The following FADS2 variants were observed in gnomAD, a reference collection of about 807,000 sequenced individuals.
FADS2 encodes the protein fatty acid desaturase 2.
Under a neutral mutation model 61.2 loss-of-function variants are expected in FADS2, and 18 were observed. The ratio of observed to expected loss-of-function variants is 0.29; its 90% CI spans 0.20 to 0.44. The LOEUF is 0.44. FADS2 is among the 20% of genes least tolerant of loss of function. FADS2 has a pLI of 1.00. For synonymous variants in FADS2, 203 were observed against 223.9 expected, an observed-to-expected ratio of 0.91 and a Z score of 0.83; for missense variants, 322 against 572.7, an observed-to-expected ratio of 0.56 and a Z score of 4.47.
intron 1 of FADS2, among the ~76,000 whole-genome samples, chr11:61,819,543 A>G (rs1399030857): frequency 6.6e-6 from 1 of 152,206 alleles, no homozygotes; most frequent in Non-Finnish European, 1.5e-5. Context: ...AAGATTCTAT[A>G]TCCACACACA....
intron 5 of FADS2, 35 bp from the exon 6 acceptor site, chr11:61,856,975 GC>G (rs776294452): frequency 1.8e-5 from 28 of 1,576,434 alleles, no homozygotes; most frequent in Non-Finnish European, 2.4e-5. Flanking sequence ...GGGAGCTGAG[GC>G]TACTGGGTGC....
At chr11:61,825,937 TGGGGTCA>T (rs1037854282), upstream of FADS2, 55 of 626,382 alleles carry the variant, frequency 8.8e-5, no homozygotes, top group African/African-American at 8.9e-4. Context: ...GTGTCCAGTG[TGGGGTCA>T]GCCCCCTAAA....
At chr11:61,839,670 A>T (rs1352870649) in intron 2 of FADS2, among the ~76,000 whole-genome samples, 1 of 152,220 alleles carries the variant, frequency 6.6e-6, no homozygotes, top group African/African-American at 2.4e-5. Context: ...GGCATCAAAT[A>T]AGCACATTTA....
intron 10 of FADS2, among the ~76,000 whole-genome samples, chr11:61,864,830 C>T (rs556482487): frequency 7.5e-4 from 114 of 152,352 alleles, no homozygotes; most frequent in African/African-American, 2.7e-3. Flanking sequence ...GCCACCGTGC[C>T]TCACCTCACT....
chr11:61,830,119 G>A (rs190329636), intron 1 of FADS2, among the ~76,000 whole-genome samples: 1 of 152,338 alleles, frequency 6.6e-6, no homozygotes, highest in Admixed American at 6.5e-5. Context: ...CAGTGAGGAG[G>A]TTGGGTTAAT....
At chr11:61,836,591 ACTC>A (rs1191642275) in intron 1 of FADS2, among the ~76,000 whole-genome samples, 1 of 148,016 alleles carries the variant, frequency 6.8e-6, no homozygotes, top group Non-Finnish European at 1.5e-5. Flanking sequence ...CTGGTCTTGA[ACTC>A]CTGGCCTCAA....
intron 4 of FADS2, among the ~76,000 whole-genome samples, chr11:61,844,238 T>C (rs117983270): frequency 0.024 from 3,685 of 152,342 alleles, 67 homozygotes; most frequent in Non-Finnish European, 0.038. Context: ...ATTATACTTT[T>C]GCTTCAGTTG....
intron 4 of FADS2, among the ~76,000 whole-genome samples, chr11:61,845,985 G>A (rs999060124): frequency 6.6e-5 from 10 of 152,046 alleles, no homozygotes; most frequent in African/African-American, 9.7e-5. Flanking sequence ...CAAACATCAC[G>A]CTTACTTGTT....
chr11:61,818,968 T>G (rs997857640), intron 1 of FADS2, among the ~76,000 whole-genome samples: 1 of 152,070 alleles, frequency 6.6e-6, no homozygotes. Flanking sequence ...CCTCCCAGGT[T>G]CATGGCATTC....
chr11:61,831,885 C>A (rs2067133029), intron 1 of FADS2, among the ~76,000 whole-genome samples: 1 of 152,194 alleles, frequency 6.6e-6, no homozygotes, highest in African/African-American at 2.4e-5. Flanking sequence ...GCAAAAGGAA[C>A]CCTCACCCGC....
At chr11:61,839,472 A>G (rs1478202049) in intron 2 of FADS2, among the ~76,000 whole-genome samples, 3 of 151,828 alleles carry the variant, frequency 2.0e-5, no homozygotes, top group Non-Finnish European at 2.9e-5. Context: ...ACAGGTGCCC[A>G]TCATCATGCC....
chr11:61,856,685 C>T, intron 5 of FADS2: 1 of 331,408 alleles, frequency 3.0e-6, no homozygotes, highest in Non-Finnish European at 5.5e-6. Flanking sequence ...GTTCTGATCC[C>T]AGTCAGGGCC....
Position 61,863,084 on chromosome 11 carries a change from C to T in FADS2, c.980+15C>T. The T allele has an allele frequency of 6.2e-7, 1 of 1,605,770 alleles. No homozygotes were observed. Among genetic ancestry groups the T allele is most frequent in the Non-Finnish European group, 8.5e-7 (1 of 1,172,424 alleles). On this transcript the variant is annotated intron_variant, in intron 8 of 11. Transcript: ENST00000278840. The stretch of plus-strand genomic sequence containing the variant: ...AACTTCATCAGGTGCCTGGGCTTTG[C>T]TGATTCATCCCTGGGCCCTCCACTG...
chr11:61,865,147 C>T lies in FADS2; in HGVS notation c.1158-5C>T, dbSNP rs752674350. Reference sequence around the variant, plus strand: ...CACGCTCTGCCCACCCTACACACTCCTCAGCCTCTTCCCCACCATGCCCCG... The same window carrying T: ...CACGCTCTGCCCACCCTACACACTCTTCAGCCTCTTCCCCACCATGCCCCG... On this transcript the variant is annotated splice_polypyrimidine_tract_variant and splice_region_variant and intron_variant, in intron 10 of 11. Transcript: ENST00000278840. The surrounding 1 kb of genome is among the most constrained non-coding windows in gnomAD (Gnocchi z 4.1). 6.2e-7 allele frequency: 1 copy of T among 1,612,908 alleles called. No individual in the cohort carries two copies. The highest frequency in any genetic ancestry group is 8.5e-7 in the Non-Finnish European group (1 of 1,179,656).
intron 10 of FADS2, chr11:61,864,297 G>C (rs892690575): frequency 6.6e-6 from 1 of 152,344 alleles, no homozygotes; most frequent in African/African-American, 2.4e-5. Context: ...TCGAACGCCT[G>C]AGCTAAAGTC....
intron 2 of FADS2, among the ~76,000 whole-genome samples, chr11:61,838,955 T>C (rs1204912518): frequency 6.6e-6 from 1 of 152,168 alleles, no homozygotes; most frequent in Non-Finnish European, 1.5e-5. Context: ...TCCTGCACCA[T>C]TTAGCATCCA....
At chr11:61,831,973 A>G (rs2067134904) in intron 1 of FADS2, among the ~76,000 whole-genome samples, 1 of 152,154 alleles carries the variant, frequency 6.6e-6, no homozygotes, top group Admixed American at 6.5e-5. Flanking sequence ...AATTCATCAA[A>G]CATTAATTGA....
intron 1 of FADS2, among the ~76,000 whole-genome samples, chr11:61,835,340 T>C (rs1185290063): frequency 1.3e-5 from 2 of 151,372 alleles, no homozygotes; most frequent in East Asian, 3.9e-4. Context: ...GATCCTTACG[T>C]GTGGGGCTGA....
intron 4 of FADS2, chr11:61,846,715 A>G (rs1023411896): frequency 5.3e-5 from 8 of 152,210 alleles, no homozygotes; most frequent in Non-Finnish European, 1.2e-4. Context: ...GTCGAGGGCC[A>G]TAACTCTGAG....
Sources: gnomAD v4.1 joint callset for allele counts (sites outside exome capture counted in the v4.1 genomes callset) on GRCh38, gnomAD v4.1.1 for gene constraint, Gnocchi (gnomAD v3.1) non-coding constraint, MANE v1.5 for transcripts, NCBI Gene and HGNC (gene_info 2026-07-23, HGNC 2026-07-21) for gene names.